GCM1: variants seen among roughly 807,000 people sequenced by gnomAD.
The protein encoded by GCM1 is GCM transcription factor 1.
A neutral mutation model predicts 25.7 loss-of-function variants in GCM1; 2 were observed. The observed-to-expected ratio is 0.08, with a 90% CI of 0.03 to 0.24. GCM1 has a LOEUF of 0.24. Ranked by LOEUF, GCM1 falls within the 10% of genes least tolerant of loss-of-function variation. The probability of loss-of-function intolerance (pLI) is 1.00; values close to 1 mark genes in which losing one functional copy is unlikely to be tolerated. For missense variants in GCM1, 395 were observed against 538.7 expected, an observed-to-expected ratio of 0.73 and a Z score of 2.64; for synonymous variants, 183 against 195.7, an observed-to-expected ratio of 0.94 and a Z score of 0.54.
At position 53,128,014 on chromosome 6, in the gene GCM1, G is replaced by A. The variant is rs1442719695; in HGVS notation, c.*192C>T. 15 of 256,980 alleles carry A rather than the reference G, an allele frequency of 5.8e-5. No homozygotes were observed. The South Asian group carries it at 9.4e-4, about 16-fold the overall frequency. The allele number at this position is 256,980 out of a possible 1,614,324, so 15.9% of individuals were successfully genotyped here. On this transcript the variant is annotated 3_prime_UTR_variant, in exon 6 of 6. Coordinates refer to ENST00000259803, the MANE Select transcript of GCM1 (RefSeq NM_003643.4). Reference sequence around the variant, plus strand: ...ACTGCATTCCTGCCTGGGCAAAAGAGCAAGACTCTGTCTCAAAAAAAAAAA... The same window carrying A: ...ACTGCATTCCTGCCTGGGCAAAAGAACAAGACTCTGTCTCAAAAAAAAAAA...
chr6:53,135,010 G>A (rs62412997), intron 2 of GCM1, among the ~76,000 whole-genome samples: 17,684 of 152,134 alleles, frequency 0.12, 1,068 homozygotes, highest in Non-Finnish European at 0.13. Flanking sequence ...TTAACCCTAC[G>A]TTCACGTGCC....
intron 5 of GCM1, among the ~76,000 whole-genome samples, chr6:53,129,931 T>C (rs1221614162): frequency 6.6e-6 from 1 of 152,210 alleles, no homozygotes; most frequent in African/African-American, 2.4e-5. Flanking sequence ...AGTTATGCTC[T>C]TGTTTAGGTA....
rs1028143508 is a variant in GCM1, at chr6:53,130,805, T to G, written c.568A>C (p.Arg190=). Residue 190 remains arginine (R), a splice_region_variant and synonymous_variant, in exon 5 of 6, where the codon AGG becomes CGG. Coordinates refer to ENST00000259803, the MANE Select transcript of GCM1 (RefSeq NM_003643.4). ...SLSLKGSTET[R]SLPGETQSQG... ...GAACATACATAATGAAGGATTACCC[T>G]GGTCTCTGTGCTCCCCTTCAGGCTC... 6.2e-7 allele frequency: 1 copy of G among 1,613,554 alleles called. No individual in the cohort carries two copies. The highest frequency in any genetic ancestry group is 1.3e-5 in the African/African-American group (1 of 74,926).
intron 2 of GCM1, among the ~76,000 whole-genome samples, chr6:53,145,254 T>C (rs899466262): frequency 1.4e-4 from 21 of 152,290 alleles, no homozygotes; most frequent in African/African-American, 4.8e-4. Context: ...TCATCACGGA[T>C]TTTATCATAC....
chr6:53,147,496 T>A (rs1460610349), intron 1 of GCM1, among the ~76,000 whole-genome samples: 1 of 144,304 alleles, frequency 6.9e-6, no homozygotes, highest in Non-Finnish European at 1.5e-5. Context: ...TGGCGCAATC[T>A]CAGCTCACCA....
chr6:53,144,994 GAAAGAAAGAAAA>G (rs1165176577), intron 2 of GCM1, among the ~76,000 whole-genome samples: 5 of 138,482 alleles, frequency 3.6e-5, no homozygotes, highest in African/African-American at 1.1e-4. Flanking sequence ...AAGAGAGAGA[GAAAGAAAGAAAA>G]AAAGAAAGAA....
Position 53,128,700 on chromosome 6 carries a change from T to C in GCM1, c.817A>G (p.Thr273Ala). The part of the protein sequence containing the change: ...YEKRKLSSSR[T>A]YSSGDLLPPS... ...GGAAGCAGGTCTCCACTACTGTAGG[T>C]TCTGCTACTGGACAATTTGCGCTTT... The change falls in exon 6 of 6, where the codon ACC becomes GCC. Residue 273 changes from threonine to alanine, a missense_variant. Physicochemically the swap from Thr to Ala is moderately conservative, Grantham distance 58. Coordinates refer to ENST00000259803, the MANE Select transcript of GCM1 (RefSeq NM_003643.4). The C allele has an allele frequency of 6.2e-7, 1 of 1,614,116 alleles. No individual in the cohort carries two copies. The highest frequency in any genetic ancestry group is 1.7e-5 in the Admixed American group (1 of 60,030).
In GCM1 at chr6:53,128,643, C is replaced by T. The variant is rs1763681079; in HGVS notation, c.874G>A (p.Gly292Ser). ...TTTTTACTCCACGCTTGTAGATCGC[C>T]ATGATCAGAGTAGACTCCGGAGGCA... ...PSASGVYSDH[G>S]DLQAWSKNAA... The change falls in exon 6 of 6, where the codon GGC becomes AGC. Residue 292 changes from glycine (G) to serine (S), a missense_variant. Gly to Ser is a moderately conservative substitution (Grantham distance 56, BLOSUM62 0). This residue lies in a region of GCM1 where 291 missense variants were observed against 314.6 expected (regional missense o/e 0.92). Coordinates refer to ENST00000259803, the MANE Select transcript of GCM1 (RefSeq NM_003643.4). 1 of 1,613,932 alleles carries T rather than the reference C, an allele frequency of 6.2e-7. No individual in the cohort carries two copies. Among genetic ancestry groups the T allele is most frequent in the Non-Finnish European group, 8.5e-7 (1 of 1,179,826 alleles).
intron 1 of GCM1, among the ~76,000 whole-genome samples, chr6:53,146,305 T>C (rs559739996): frequency 6.7e-6 from 1 of 149,496 alleles, no homozygotes; most frequent in African/African-American, 2.4e-5. Context: ...CTGCAACCTC[T>C]GCCTCTTGGG....
chr6:53,134,998 CT>C (rs1426697643), intron 2 of GCM1, among the ~76,000 whole-genome samples: 2 of 152,192 alleles, frequency 1.3e-5, no homozygotes, highest in African/African-American at 4.8e-5. Context: ...CTTCCTTTAT[CT>C]TTAACCCTAC....
intron 2 of GCM1, among the ~76,000 whole-genome samples, chr6:53,144,493 A>T (rs1763925277): frequency 6.6e-6 from 1 of 151,832 alleles, no homozygotes; most frequent in East Asian, 1.9e-4. Context: ...CATGTATGGT[A>T]TTTCCAAAAT....
chr6:53,134,697 G>T (rs778854762), intron 2 of GCM1, among the ~76,000 whole-genome samples: 1 of 152,214 alleles, frequency 6.6e-6, no homozygotes, highest in Non-Finnish European at 1.5e-5. Flanking sequence ...GCCCAGTGTG[G>T]TAGGGTGTGC....
At chr6:53,134,442 T>C (rs1763769611) in intron 2 of GCM1, 118 bp from the exon 3 acceptor site, 2 of 909,420 alleles carry the variant, frequency 2.2e-6, no homozygotes, top group South Asian at 3.2e-5. Flanking sequence ...CAAGAGACCT[T>C]TGGCAAAAGC....
rs139786380 is a variant in GCM1 at position 53,128,464 on chromosome 6, G to C, written c.1053C>G (p.Gly351=). The change falls in exon 6 of 6, where the codon GGC becomes GGG. Residue 351 remains glycine (G), a synonymous_variant. Coordinates refer to ENST00000259803, the MANE Select transcript of GCM1 (RefSeq NM_003643.4). ...LPLEPPAAKT[G]CPPLWPNPAG... is the part of the protein sequence containing the mutation. ...CTGGATTTGGCCATAATGGGGGACA[G>C]CCAGTTTTGGCTGCAGGTGGCTCCA... 2 of 1,614,146 alleles carry C rather than the reference G, an allele frequency of 1.2e-6. No homozygotes were observed. The highest frequency in any genetic ancestry group is 1.7e-6 in the Non-Finnish European group (2 of 1,179,980).
At chr6:53,144,531 GC>G (rs1763925639) in intron 2 of GCM1, among the ~76,000 whole-genome samples, 1 of 148,318 alleles carries the variant, frequency 6.7e-6, no homozygotes, top group African/African-American at 2.5e-5. Context: ...GGCTGTTTAT[GC>G]CTGTAATCCC....
Position 53,127,716 on chromosome 6 carries a change from A to C in GCM1, c.*490T>G, listed in dbSNP as rs1049032506. ...TAGAGTGGAGGAGAAGAAGCCAAAAAAATTACTCATGTGAAGAAAAAAGCC... is the reference window on the plus strand; with the variant it reads ...TAGAGTGGAGGAGAAGAAGCCAAAACAATTACTCATGTGAAGAAAAAAGCC... On this transcript the variant is annotated 3_prime_UTR_variant, in exon 6 of 6. Coordinates refer to ENST00000259803, the MANE Select transcript of GCM1 (RefSeq NM_003643.4). 2 of 152,714 alleles carry C rather than the reference A, an allele frequency of 1.3e-5. No individual in the cohort carries two copies. Among genetic ancestry groups the C allele is most frequent in the Non-Finnish European group, 2.9e-5 (2 of 68,568 alleles). 9.5% of individuals were successfully genotyped at this position (152,714 alleles called of 1,614,324 possible).
At position 53,128,018 on chromosome 6, in the gene GCM1, G is replaced by C. The variant is rs1763665537; in HGVS notation, c.*188C>G. ...CATTCCTGCCTGGGCAAAAGAGCAA[G>C]ACTCTGTCTCAAAAAAAAAAAAAAA... On this transcript the variant is annotated 3_prime_UTR_variant, in exon 6 of 6. Coordinates refer to ENST00000259803, the MANE Select transcript of GCM1 (RefSeq NM_003643.4). 13 of 190,128 alleles carry C rather than the reference G, an allele frequency of 6.8e-5. No individual in the cohort carries two copies. The South Asian group carries it at 9.3e-4, about 14-fold the overall frequency. 11.8% of individuals were successfully genotyped at this position (190,128 alleles called of 1,614,324 possible).
At chr6:53,144,488 A>G (rs1338818601) in intron 2 of GCM1, among the ~76,000 whole-genome samples, 1 of 151,754 alleles carries the variant, frequency 6.6e-6, no homozygotes, top group Non-Finnish European at 1.5e-5. Flanking sequence ...CAGTGCATGT[A>G]TGGTATTTCC....
At chr6:53,130,459 G>A (rs1237475459) in intron 5 of GCM1, among the ~76,000 whole-genome samples, 4 of 152,068 alleles carry the variant, frequency 2.6e-5, no homozygotes, top group Admixed American at 6.5e-5. Context: ...GGGGGCAGGC[G>A]GTGAAATGCA....
Sources: allele counts gnomAD v4.1 joint callset (sites outside exome capture counted in the v4.1 genomes callset), GRCh38; gene constraint gnomAD v4.1.1; regional missense constraint gnomAD v4.1.1; transcripts MANE v1.5; gene names NCBI Gene and HGNC (gene_info 2026-07-23, HGNC 2026-07-21).